The following IQCJ variants were observed in gnomAD, a reference collection of about 807,000 sequenced individuals.
The protein encoded by IQCJ is IQ domain-containing protein J.
In IQCJ, 9 loss-of-function variants were observed where a neutral mutation model predicts 11.0. The observed-to-expected ratio is 0.82, with a 90% CI of 0.49 to 1.43. The LOEUF is 1.43. Among genes scored for constraint, IQCJ ranks in the 40% most tolerant of loss-of-function variants. The pLI, the probability that IQCJ is intolerant of heterozygous loss-of-function variation, is 0.00. For synonymous variants in IQCJ, 55 were observed against 51.3 expected (o/e 1.07, Z -0.31); for missense variants, 146 against 133.2 (o/e 1.10, Z -0.47).
chr3:159,092,697 CAA>C (rs1491323716), intron 1 of IQCJ, among the ~76,000 whole-genome samples: 8 of 122,294 alleles, frequency 6.5e-5, no homozygotes, highest in Middle Eastern at 7.8e-3. Flanking sequence ...GACTCCATCA[CAA>C]ACACACACAC....
At chr3:159,115,329 A>T (rs1229865280) in intron 1 of IQCJ, among the ~76,000 whole-genome samples, 1 of 152,192 alleles carries the variant, frequency 6.6e-6, no homozygotes, top group Non-Finnish European at 1.5e-5. Context: ...AGGTGAGAGA[A>T]TGGAGGATTG....
intron 1 of IQCJ, among the ~76,000 whole-genome samples, chr3:159,210,906 A>G (rs886420988): frequency 2.7e-5 from 4 of 149,760 alleles, no homozygotes; most frequent in African/African-American, 4.8e-5. Context: ...TCCTGACCTC[A>G]GGTGATCCGC....
intron 1 of IQCJ, among the ~76,000 whole-genome samples, chr3:159,210,967 C>T (rs1035228290): frequency 9.9e-5 from 15 of 152,110 alleles, no homozygotes; most frequent in South Asian, 2.1e-4. Flanking sequence ...CCACCGTGTC[C>T]GGCCTCAAAT....
intron 1 of IQCJ, among the ~76,000 whole-genome samples, chr3:159,171,126 G>A (rs78433248): frequency 0.03 from 4,603 of 151,394 alleles, 250 homozygotes; most frequent in African/African-American, 0.11. Flanking sequence ...TATGGCCAGT[G>A]TTTAGTTGCA....
At chr3:159,135,421 G>T (rs1414614200) in intron 1 of IQCJ, among the ~76,000 whole-genome samples, 1 of 152,146 alleles carries the variant, frequency 6.6e-6, no homozygotes, top group Non-Finnish European at 1.5e-5. Flanking sequence ...AGCATAACTA[G>T]CTGCTGTAAC....
chr3:159,081,307 G>T (rs1208972632), intron 1 of IQCJ, among the ~76,000 whole-genome samples: 2 of 152,056 alleles, frequency 1.3e-5, no homozygotes, highest in African/African-American at 4.8e-5. Flanking sequence ...GCGCCTCATT[G>T]CCCAGGACTG....
intron 1 of IQCJ, among the ~76,000 whole-genome samples, chr3:159,085,767 T>G (rs1160711236): frequency 6.6e-6 from 1 of 151,334 alleles, no homozygotes; most frequent in Non-Finnish European, 1.5e-5. Context: ...ATGGGGTTGT[T>G]TTTTTTTTCT....
At chr3:159,077,052 C>T (rs1215052276) in intron 1 of IQCJ, among the ~76,000 whole-genome samples, 1 of 152,152 alleles carries the variant, frequency 6.6e-6, no homozygotes, top group African/African-American at 2.4e-5. Context: ...GATTTCTTCT[C>T]AGAGCTCAAG....
At chr3:159,261,502 A>G (rs555742136) in intron 3 of IQCJ, among the ~76,000 whole-genome samples, 12 of 152,312 alleles carry the variant, frequency 7.9e-5, no homozygotes, top group African/African-American at 2.9e-4. Flanking sequence ...AATTTCCCCC[A>G]TGCCGTTCTG....
At chr3:159,157,514 T>TGTA (rs1289469869) in intron 1 of IQCJ, among the ~76,000 whole-genome samples, 5 of 152,210 alleles carry the variant, frequency 3.3e-5, no homozygotes, top group African/African-American at 1.2e-4. Context: ...GTGAACTCAT[T>TGTA]GTAGCCTACA....
chr3:159,219,424 G>A (rs1316047391), intron 1 of IQCJ, among the ~76,000 whole-genome samples: 3 of 152,122 alleles, frequency 2.0e-5, no homozygotes, highest in African/African-American at 4.8e-5. Flanking sequence ...GTTACTGGCC[G>A]CCTTCTCTAT....
chr3:159,218,035 C>CAATAAT (rs5853855), intron 1 of IQCJ, among the ~76,000 whole-genome samples: 1 of 148,550 alleles, frequency 6.7e-6, no homozygotes, highest in Non-Finnish European at 1.5e-5. Context: ...ATATTATATA[C>CAATAAT]AATAATAATA....
At chr3:159,262,151 T>C (rs1728248617) in intron 3 of IQCJ, among the ~76,000 whole-genome samples, 1 of 152,216 alleles carries the variant, frequency 6.6e-6, no homozygotes, top group African/African-American at 2.4e-5. Context: ...AATCACACAT[T>C]GAGTGCATGC....
intron 1 of IQCJ, among the ~76,000 whole-genome samples, chr3:159,169,279 CTTTTTTT>C (rs141888128): frequency 1.1e-4 from 6 of 56,402 alleles, no homozygotes; most frequent in African/African-American, 2.3e-4. Flanking sequence ...TTCTTTCTTT[CTTTTTTT>C]TTTTTTTTTT....
chr3:159,094,057 G>A (rs753628353), intron 1 of IQCJ, among the ~76,000 whole-genome samples: 17 of 151,686 alleles, frequency 1.1e-4, no homozygotes, highest in Non-Finnish European at 2.1e-4. Flanking sequence ...ACAGGGTTTG[G>A]GCCTCCTGGC....
intron 3 of IQCJ, among the ~76,000 whole-genome samples, chr3:159,262,271 T>G (rs1728255321): frequency 6.6e-6 from 1 of 152,258 alleles, no homozygotes; most frequent in Non-Finnish European, 1.5e-5. Flanking sequence ...CTAGTTTGTT[T>G]TGACTGATGA....
chr3:159,118,852 G>C (rs17782584), intron 1 of IQCJ, among the ~76,000 whole-genome samples: 4 of 151,978 alleles, frequency 2.6e-5, no homozygotes, highest in Non-Finnish European at 4.4e-5. Flanking sequence ...ACTGAAGGAA[G>C]GTTCGCTCAT....
At chr3:159,119,219 A>G (rs1275341779) in intron 1 of IQCJ, among the ~76,000 whole-genome samples, 2 of 152,222 alleles carry the variant, frequency 1.3e-5, no homozygotes, top group African/African-American at 4.8e-5. Flanking sequence ...TTTCAAAACC[A>G]AGACCTTAGA....
At chr3:159,156,303 A>G (rs1430652427) in intron 1 of IQCJ, among the ~76,000 whole-genome samples, 2 of 152,236 alleles carry the variant, frequency 1.3e-5, no homozygotes, top group Non-Finnish European at 2.9e-5. Context: ...CAGTGTGAAG[A>G]AGCAAGAGAT....
Sources: gnomAD v4.1 joint callset for allele counts (sites outside exome capture counted in the v4.1 genomes callset) on GRCh38, gnomAD v4.1.1 for gene constraint, MANE v1.5 for transcripts, NCBI Gene and HGNC (gene_info 2026-07-23, HGNC 2026-07-21) for gene names.